Variants in CASP8 observed in about 807,000 individuals in gnomAD.
The protein encoded by CASP8 is caspase 8, also known as caspase-8.
A neutral mutation model predicts 46.3 loss-of-function variants in CASP8; 24 were observed. The ratio of observed to expected loss-of-function variants is 0.52; its 90% CI spans 0.38 to 0.73. The LOEUF is 0.73. Among genes scored for constraint, CASP8 ranks in the 30% least tolerant of loss-of-function variants. The pLI, the probability that CASP8 is intolerant of heterozygous loss-of-function variation, is 0.00. For synonymous variants in CASP8, 188 were observed against 200.4 expected (o/e 0.94, Z 0.52); for missense variants, 460 against 559.0 (o/e 0.82, Z 1.79).
intron 2 of CASP8, among the ~76,000 whole-genome samples, chr2:201,267,917 A>G (rs544002644): frequency 6.6e-6 from 1 of 152,012 alleles, no homozygotes; most frequent in South Asian, 2.1e-4. Context: ...AGGCTTGACT[A>G]TTTTTTGTTT....
At chr2:201,283,740 T>C in intron 7 of CASP8, among the ~76,000 whole-genome samples, 2 of 62,032 alleles carry the variant, frequency 3.2e-5, no homozygotes, top group Non-Finnish European at 8.0e-5. Flanking sequence ...GCAGAGGGGC[T>C]CCTCACTTCC....
chr2:201,253,462 A>G (rs900015001), intron 2 of CASP8, among the ~76,000 whole-genome samples: 2 of 151,892 alleles, frequency 1.3e-5, no homozygotes, highest in African/African-American at 4.8e-5. Flanking sequence ...GAGACCAAAA[A>G]ATGTTACCAG....
At chr2:201,267,894 A>AT (rs1310883818) in intron 2 of CASP8, among the ~76,000 whole-genome samples, 9 of 152,068 alleles carry the variant, frequency 5.9e-5, no homozygotes, top group Admixed American at 5.9e-4. Flanking sequence ...CTCAGAGACT[A>AT]TTTTTTGTTT....
chr2:201,278,357 TCAG>T (rs1948780696), intron 7 of CASP8, among the ~76,000 whole-genome samples: 1 of 152,180 alleles, frequency 6.6e-6, no homozygotes, highest in South Asian at 2.1e-4. Flanking sequence ...CTGTCCTGCT[TCAG>T]TGCCTTCAGA....
intron 2 of CASP8, among the ~76,000 whole-genome samples, chr2:201,237,065 C>A (rs1288958025): frequency 6.7e-6 from 1 of 150,248 alleles, no homozygotes; most frequent in African/African-American, 2.5e-5. Context: ...TGTTCCTTTT[C>A]CCCAGTATGA....
intron 7 of CASP8, chr2:201,278,253 C>T (rs1393830932): frequency 2.0e-5 from 3 of 152,230 alleles, no homozygotes; most frequent in South Asian, 2.1e-4. Flanking sequence ...GTCTGTGTGT[C>T]CTGCTTTTTC....
chr2:201,277,009 T>G, intron 7 of CASP8, 41 bp downstream of exon 7: 1 of 1,451,648 alleles, frequency 6.9e-7, no homozygotes, highest in Non-Finnish European at 9.7e-7. Context: ...ATATTTCTTA[T>G]GCCTATTTTT....
intron 2 of CASP8, among the ~76,000 whole-genome samples, chr2:201,253,348 G>A (rs1014880479): frequency 8.9e-6 from 1 of 112,714 alleles, no homozygotes; most frequent in Non-Finnish European, 1.7e-5. Flanking sequence ...AGTGCTGTAT[G>A]TAGGTTACAG....
chr2:201,283,810 G>A (rs1352808516), intron 7 of CASP8, among the ~76,000 whole-genome samples: 265 of 55,536 alleles, frequency 4.8e-3, no homozygotes, highest in African/African-American at 0.014. Context: ...CTGGCCGGGC[G>A]GGGGGCTGAC....
chr2:201,275,016 C>CTTTTT, intron 6 of CASP8, 63 bp downstream of exon 6: 1 of 968,288 alleles, frequency 1.0e-6, no homozygotes, highest in African/African-American at 1.8e-5. Context: ...AATTTGTTAG[C>CTTTTT]TTTTTTTTTT....
At chr2:201,251,438 T>A (rs1200805802) in intron 2 of CASP8, among the ~76,000 whole-genome samples, 2 of 151,338 alleles carry the variant, frequency 1.3e-5, no homozygotes, top group Non-Finnish European at 2.9e-5. Flanking sequence ...CTAAAAAAAA[T>A]ACAAAAATTA....
chr2:201,237,367 A>G (rs57040966), intron 2 of CASP8, among the ~76,000 whole-genome samples: 1 of 150,746 alleles, frequency 6.6e-6, no homozygotes, highest in East Asian at 2.0e-4. Context: ...CTGGGATTAC[A>G]GGCGTGAGCC....
intron 7 of CASP8, among the ~76,000 whole-genome samples, chr2:201,281,185 G>A (rs112974074): frequency 0.031 from 4,704 of 152,058 alleles, 199 homozygotes; most frequent in African/African-American, 0.093. Context: ...GTGGTGGTGC[G>A]TGCCTGTAGT....
chr2:201,256,180 A>G (rs1947009102), upstream of CASP8, among the ~76,000 whole-genome samples: 1 of 152,194 alleles, frequency 6.6e-6, no homozygotes, highest in Non-Finnish European at 1.5e-5. Flanking sequence ...TATTTTTAGA[A>G]ATGTTACAGT....
upstream of CASP8, among the ~76,000 whole-genome samples, chr2:201,259,488 T>A (rs1947236256): frequency 6.6e-6 from 1 of 152,194 alleles, no homozygotes; most frequent in African/African-American, 2.4e-5. Context: ...GCATTGATAT[T>A]ATGAGGCCAT....
rs539029508 is a variant in CASP8 at position 201,285,183 on chromosome 2, G to C, written c.1170G>C (p.Thr390=). 6.2e-7 allele frequency: 1 copy of C among 1,614,060 alleles called. No homozygotes were observed. The highest frequency in any genetic ancestry group is 2.2e-5 in the East Asian group (1 of 44,900). Residue 390 remains threonine, a synonymous_variant, in exon 8 of 9, where the codon ACG becomes ACC. Transcript: ENST00000673742. ...YLEMDLSSPQ[T]RYIPDEADFL... ...AAATGGATTTATCATCACCTCAAAC[G>C]AGATATATCCCGGATGAGGCTGACT...
Position 201,287,364 on chromosome 2 carries a change from C to G in CASP8, c.*770C>G, listed in dbSNP as rs1423421483. On this transcript the variant is annotated 3_prime_UTR_variant, in exon 9 of 9. Transcript: ENST00000673742. ...AGTGAGCCATGTTCACACCGCTGCA[C>G]TCAAGCTTGGGTGACAGAACAAGAC... The G allele has an allele frequency of 1.3e-5, 2 of 152,332 alleles. No individual in the cohort carries two copies. The highest frequency in any genetic ancestry group is 4.8e-5 in the African/African-American group (2 of 41,358). 9.4% of individuals were successfully genotyped at this position (152,332 alleles called of 1,614,324 possible). A position where few individuals can be genotyped will look rare whatever the true frequency, so the allele number is the denominator to read the frequency against.
intron 7 of CASP8, among the ~76,000 whole-genome samples, chr2:201,281,205 T>C (rs1473012602): frequency 1.3e-5 from 2 of 151,988 alleles, no homozygotes; most frequent in East Asian, 1.9e-4. Context: ...TCCCACCTGC[T>C]TGGGAGGCTG....
chr2:201,269,515 A>G lies in CASP8; in HGVS notation c.306-2001A>G, dbSNP rs762325737. The G allele has an allele frequency of 1.1e-5, 18 of 1,612,420 alleles. No homozygotes were observed. In the South Asian group the frequency reaches 1.3e-4, roughly 12 times the overall value. On this transcript the variant is annotated intron_variant, in intron 2 of 8. Transcript: ENST00000673742. Reference sequence around the variant, plus strand: ...ACCATCTTGGTCCTTTGAAGGTTCCACTTCTGCCGCATGAGCTGGGCTGAA... The same window carrying G: ...ACCATCTTGGTCCTTTGAAGGTTCCGCTTCTGCCGCATGAGCTGGGCTGAA...
Sources: allele counts gnomAD v4.1 joint callset (sites outside exome capture counted in the v4.1 genomes callset), GRCh38; gene constraint gnomAD v4.1.1; transcripts MANE v1.5; gene names NCBI Gene and HGNC (gene_info 2026-07-23, HGNC 2026-07-21).